Variants in STK24 observed in about 807,000 individuals in gnomAD.
STK24 encodes the protein serine/threonine kinase 24, also known as serine/threonine-protein kinase 24.
STK24 carries 21 observed loss-of-function variants against 55.6 expected under a neutral mutation model. The ratio of observed to expected loss-of-function variants is 0.38; its 90% CI spans 0.27 to 0.54. The LOEUF (loss-of-function observed/expected upper bound fraction) is 0.54, where lower values mean the gene tolerates loss of function less well. Ranked by LOEUF, STK24 falls within the 20% of genes least tolerant of loss-of-function variation. STK24 has a pLI of 0.79. For synonymous variants in STK24, 200 were observed against 215.2 expected (o/e 0.93, Z 0.62); for missense variants, 383 against 538.4 (o/e 0.71, Z 2.86).
chr13:98,460,273 A>C (rs1893644919), intron 9 of STK24, 99 bp downstream of exon 9: 16 of 1,145,518 alleles, frequency 1.4e-5, no homozygotes, highest in East Asian at 2.4e-5. Context: ...AGCTTGTCTT[A>C]ATGTCCCCAA....
chr13:98,576,646 C>G, intron 1 of STK24, 99 bp downstream of exon 1: 1 of 1,110,800 alleles, frequency 9.0e-7, no homozygotes, highest in African/African-American at 1.7e-5. Flanking sequence ...CCGGCGCGAC[C>G]CCGGCCGGCT....
rs149342115 is a variant in STK24 at position 98,551,234 on chromosome 13, C to T, written c.42+25511G>A. ...CCGGGAGGCGGAGCTTGCAGTGAGC[C>T]GAGATCTTGCCACTGCACTCTAGCC... On this transcript the variant is annotated intron_variant, in intron 1 of 10. Transcript: ENST00000539966. 8.3e-3 allele frequency among the ~76,000 whole-genome samples: 1,250 copies of T among 150,680 alleles called. 24 individuals carry two copies. The highest frequency in any genetic ancestry group is 0.028 in the African/African-American group (1,149 of 40,912).
chr13:98,553,453 G>A (rs1484758013), intron 1 of STK24: 1 of 157,748 alleles, frequency 6.3e-6, no homozygotes, highest in East Asian at 1.9e-4. Flanking sequence ...CTGTCAGGAA[G>A]AGAAATGAAA....
rs1892840259 is a variant in STK24 at position 98,446,447 on chromosome 13, G to A, written c.*6726C>T. 2 of 606,106 alleles carry A rather than the reference G, an allele frequency of 3.3e-6. No homozygotes were observed. The highest frequency in any genetic ancestry group is 3.0e-5 in the Admixed American group (1 of 33,752). 37.5% of individuals were successfully genotyped at this position (606,106 alleles called of 1,614,324 possible). The stretch of plus-strand genomic sequence containing the variant: ...GGCCACCTGTCTTCTGCCTGGACAA[G>A]GGACGGGGGTTGGCTTTATCTACAG... On this transcript the variant is annotated 3_prime_UTR_variant, in exon 11 of 11. Coordinates refer to ENST00000539966, the MANE Select transcript of STK24 (RefSeq NM_001032296.4).
In STK24 at chr13:98,447,091, A is replaced by G; in HGVS notation, c.*6082T>C. On this transcript the variant is annotated 3_prime_UTR_variant, in exon 11 of 11. Coordinates refer to ENST00000539966, the MANE Select transcript of STK24 (RefSeq NM_001032296.4). ...TCTCTGACATAACGTGTCCGGGATG[A>G]TGAAGCTAAGCCCCAGTGAGACTGC... 2 of 396,772 alleles carry G rather than the reference A, an allele frequency of 5.0e-6. No individual in the cohort carries two copies. The highest frequency in any genetic ancestry group is 9.3e-6 in the Non-Finnish European group (2 of 214,518). The allele number at this position is 396,772 out of a possible 1,614,324, so 24.6% of individuals were successfully genotyped here. A position where few individuals can be genotyped will look rare whatever the true frequency, so the allele number is the denominator to read the frequency against.
At chr13:98,469,408 G>A (rs1443437303) in intron 5 of STK24, among the ~76,000 whole-genome samples, 1 of 152,150 alleles carries the variant, frequency 6.6e-6, no homozygotes, top group Non-Finnish European at 1.5e-5. Flanking sequence ...AATCAGCCGG[G>A]CATGGTGGGC....
At chr13:98,542,178 T>G (rs1896906519) in intron 1 of STK24, among the ~76,000 whole-genome samples, 1 of 152,192 alleles carries the variant, frequency 6.6e-6, no homozygotes, top group African/African-American at 2.4e-5. Flanking sequence ...ATTTAATACT[T>G]TCTTGACATC....
At chr13:98,542,779 A>T in intron 1 of STK24, 1 of 954,378 alleles carries the variant, frequency 1.0e-6, no homozygotes, top group Non-Finnish European at 1.2e-6. Context: ...GGTGCAATCT[A>T]CTTTCTATGC....
At chr13:98,545,418 G>A (rs1166152566) in intron 1 of STK24, among the ~76,000 whole-genome samples, 5 of 152,046 alleles carry the variant, frequency 3.3e-5, no homozygotes, top group Admixed American at 6.6e-5. Context: ...AGGCCGAGGC[G>A]GGTGGATCAC....
intron 1 of STK24, among the ~76,000 whole-genome samples, chr13:98,548,432 T>C (rs146056340): frequency 1.5e-3 from 229 of 152,246 alleles, no homozygotes; most frequent in Middle Eastern, 0.01. Flanking sequence ...AAATTCCAAC[T>C]AAAGGCTGAG....
chr13:98,514,676 T>C (rs1895994695), intron 2 of STK24, among the ~76,000 whole-genome samples: 2 of 152,174 alleles, frequency 1.3e-5, no homozygotes, highest in African/African-American at 4.8e-5. Flanking sequence ...AAGGAAGAAA[T>C]TTGAAAAGCA....
intron 10 of STK24, chr13:98,455,181 T>C (rs1438359895): frequency 1.3e-5 from 2 of 152,256 alleles, no homozygotes; most frequent in African/African-American, 2.4e-5. Flanking sequence ...AAAAAATGTA[T>C]TGTTGAAACT....
At chr13:98,530,771 G>A (rs1002728094) in intron 1 of STK24, among the ~76,000 whole-genome samples, 2 of 152,146 alleles carry the variant, frequency 1.3e-5, no homozygotes, top group Admixed American at 6.5e-5. Flanking sequence ...GCAACGTGGT[G>A]AACTGCCACC....
chr13:98,539,092 G>C (rs746852295), intron 1 of STK24, among the ~76,000 whole-genome samples: 7 of 152,204 alleles, frequency 4.6e-5, no homozygotes, highest in Non-Finnish European at 1.0e-4. Context: ...TCCATCAAAG[G>C]CTCAGCCTGC....
intron 2 of STK24, among the ~76,000 whole-genome samples, chr13:98,490,445 T>G (rs931938007): frequency 2.6e-5 from 4 of 152,114 alleles, no homozygotes; most frequent in African/African-American, 9.7e-5. Context: ...GACCCTATAT[T>G]CACCGGAAAA....
chr13:98,461,436 G>A (rs1455783944), intron 8 of STK24, among the ~76,000 whole-genome samples: 2 of 152,166 alleles, frequency 1.3e-5, no homozygotes, highest in South Asian at 2.1e-4. Context: ...GTAAGTAACC[G>A]CAACATGCAC....
chr13:98,525,480 G>A (rs1896400727), intron 1 of STK24, among the ~76,000 whole-genome samples: 1 of 152,198 alleles, frequency 6.6e-6, no homozygotes. Context: ...CTCCCCTAGG[G>A]CAAGAAGACT....
intron 1 of STK24, among the ~76,000 whole-genome samples, chr13:98,568,144 G>A (rs377467723): frequency 1.3e-5 from 2 of 152,078 alleles, no homozygotes; most frequent in East Asian, 1.9e-4. Flanking sequence ...TTACAGGCGT[G>A]TATCATCACG....
chr13:98,485,940 G>T (rs1038226052), intron 2 of STK24, among the ~76,000 whole-genome samples: 6 of 152,186 alleles, frequency 3.9e-5, no homozygotes, highest in African/African-American at 1.4e-4. Flanking sequence ...CCCAACGCCA[G>T]CCACTAAGAC....
Sources: allele counts gnomAD v4.1 joint callset (sites outside exome capture counted in the v4.1 genomes callset), GRCh38; gene constraint gnomAD v4.1.1; transcripts MANE v1.5; gene names NCBI Gene and HGNC (gene_info 2026-07-23, HGNC 2026-07-21).